ADGRV1: variants seen among roughly 807,000 people sequenced by gnomAD.
ADGRV1 encodes adhesion G protein-coupled receptor V1, also known as G-protein coupled receptor 98.
A neutral mutation model predicts 596.2 loss-of-function variants in ADGRV1; 359 were observed. That is an observed-to-expected ratio of 0.60 (90% CI 0.55 to 0.66). The LOEUF is 0.66. Among genes scored for constraint, ADGRV1 ranks in the 30% least tolerant of loss-of-function variants. The probability of loss-of-function intolerance (pLI) is 0.00; values close to 1 mark genes in which losing one functional copy is unlikely to be tolerated. For missense variants in ADGRV1, 7,274 were observed against 7,575.6 expected, an observed-to-expected ratio of 0.96 and a Z score of 1.48; for synonymous variants, 2,681 against 2,679.2, an observed-to-expected ratio of 1.00 and a Z score of -0.02.
chr5:90,755,944 T>C (rs1755785956), intron 55 of ADGRV1, among the ~76,000 whole-genome samples: 1 of 151,072 alleles, frequency 6.6e-6, no homozygotes, highest in South Asian at 2.1e-4. Context: ...TTGGGAAAGA[T>C]ATAAGGGATG....
intron 87 of ADGRV1, among the ~76,000 whole-genome samples, chr5:91,136,392 A>G (rs1794641288): frequency 2.0e-5 from 3 of 152,180 alleles, no homozygotes; most frequent in African/African-American, 7.2e-5. Flanking sequence ...AGTTCTGGGA[A>G]AGAAGTGGTT....
intron 34 of ADGRV1, among the ~76,000 whole-genome samples, chr5:90,700,639 TTCTTC>T (rs1747793331): frequency 6.6e-6 from 1 of 152,164 alleles, no homozygotes; most frequent in African/African-American, 2.4e-5. Flanking sequence ...TTTAAATTTT[TTCTTC>T]TCTTAGGGAC....
chr5:90,625,088 A>C, intron 5 of ADGRV1, 42 bp from the exon 6 acceptor site: 1 of 1,134,354 alleles, frequency 8.8e-7, no homozygotes, highest in Non-Finnish European at 1.3e-6. Context: ...AGTCTTGTGA[A>C]GTATTTTGCA....
chr5:90,691,847 G>A (rs1314121628), intron 31 of ADGRV1, among the ~76,000 whole-genome samples: 2 of 152,110 alleles, frequency 1.3e-5, no homozygotes, highest in African/African-American at 4.8e-5. Context: ...CATGCGAGAT[G>A]CATCTTCTTG....
intron 87 of ADGRV1, among the ~76,000 whole-genome samples, chr5:91,105,567 T>C (rs765151205): frequency 2.0e-5 from 3 of 152,232 alleles, no homozygotes; most frequent in Non-Finnish European, 2.9e-5. Flanking sequence ...GGTTTTGTTT[T>C]GCATTTCCCT....
intron 5 of ADGRV1, among the ~76,000 whole-genome samples, chr5:90,623,180 A>G (rs1764316830): frequency 6.6e-6 from 1 of 152,242 alleles, no homozygotes; most frequent in Admixed American, 6.5e-5. Flanking sequence ...ACATTTCATG[A>G]TTAATATAAA....
chr5:91,084,780 A>T (rs1177495631), intron 86 of ADGRV1, among the ~76,000 whole-genome samples: 4 of 152,330 alleles, frequency 2.6e-5, no homozygotes, highest in South Asian at 2.1e-4. Flanking sequence ...ACATGCACAC[A>T]TATGTTTATT....
chr5:91,036,561 TAA>T (rs74750705), intron 85 of ADGRV1, among the ~76,000 whole-genome samples: 6 of 118,046 alleles, frequency 5.1e-5, no homozygotes, highest in Non-Finnish European at 7.2e-5. Flanking sequence ...GACTCCGTCT[TAA>T]AAAAAAAAAA....
chr5:91,142,040 A>G (rs1051647999), intron 87 of ADGRV1, among the ~76,000 whole-genome samples: 12 of 152,344 alleles, frequency 7.9e-5, no homozygotes, highest in Middle Eastern at 3.4e-3. Context: ...GCCGTGGCAC[A>G]TGTTACATGT....
At chr5:90,740,456 C>T (rs776876294) in intron 50 of ADGRV1, among the ~76,000 whole-genome samples, 1 of 152,142 alleles carries the variant, frequency 6.6e-6, no homozygotes, top group Non-Finnish European at 1.5e-5. Flanking sequence ...ATCAACATGC[C>T]GCTATCTCCT....
At chr5:90,972,152 C>G (rs1389784272) in intron 84 of ADGRV1, among the ~76,000 whole-genome samples, 1 of 152,186 alleles carries the variant, frequency 6.6e-6, no homozygotes, top group Non-Finnish European at 1.5e-5. Flanking sequence ...GAAGAGCTGA[C>G]TATCCTAAAT....
rs1218865576 is a variant in ADGRV1, at chr5:90,976,064, C to T, written c.17974-9280C>T. 8.6e-5 allele frequency among the ~76,000 whole-genome samples: 13 copies of T among 151,700 alleles called. No individual in the cohort carries two copies. In the South Asian group the frequency reaches 2.7e-3, roughly 31 times the overall value. ...AAAGTACATCTTTTTCTCACTATTT[C>T]TTGCATTCTCCATTCTTTGCTCTAC... On this transcript the variant is annotated intron_variant, in intron 84 of 89. Transcript: ENST00000405460.
intron 83 of ADGRV1, among the ~76,000 whole-genome samples, chr5:90,944,757 A>G (rs898392669): frequency 6.6e-6 from 1 of 152,312 alleles, no homozygotes; most frequent in South Asian, 2.1e-4. Flanking sequence ...TAATTGACAA[A>G]CTGTTGGAAA....
At chr5:90,980,753 C>A (rs990780472) in intron 84 of ADGRV1, among the ~76,000 whole-genome samples, 1 of 152,112 alleles carries the variant, frequency 6.6e-6, no homozygotes, top group African/African-American at 2.4e-5. Flanking sequence ...AACGCATAGT[C>A]AATCAGGCAC....
rs1448669351 is a variant in ADGRV1, at chr5:90,653,625, A to G, written c.4051A>G (p.Thr1351Ala). The change falls in exon 20 of 90, where the codon ACA becomes GCA. Residue 1351 changes from threonine (T) to alanine (A), a missense_variant. Physicochemically the swap from Thr to Ala is moderately conservative, Grantham distance 58 (BLOSUM62 0). Around this residue, in one of 5 missense-constraint regions of ADGRV1, gnomAD observed 1,715 missense variants for 1,708.8 expected, o/e 1.00. Transcript: ENST00000405460. Reference protein sequence around the residue: ...NPKYHPSRNNTIANFTFSAWV... With the variant: ...NPKYHPSRNNAIANFTFSAWV... ...AAAATACCATCCCTCCAGGAATAAT[A>G]CAATTGCCAACTTTACATTCTCAGC... is the stretch of plus-strand genomic sequence containing the variant. 1.2e-6 allele frequency: 2 copies of G among 1,613,582 alleles called. No individual in the cohort carries two copies.
At chr5:90,572,888 C>T (rs1561309074) in intron 1 of ADGRV1, among the ~76,000 whole-genome samples, 1 of 152,086 alleles carries the variant, frequency 6.6e-6, no homozygotes, top group Non-Finnish European at 1.5e-5. Flanking sequence ...TGTATTCATG[C>T]CCTTCCTCAC....
chr5:90,778,080 T>C (rs755709463), intron 62 of ADGRV1, 37 bp downstream of exon 62: 39 of 1,543,114 alleles, frequency 2.5e-5, no homozygotes, highest in Non-Finnish European at 3.3e-5. Flanking sequence ...TGCCCTTTAC[T>C]CTCTGTGCTG....
At chr5:90,898,445 C>T (rs552286083) in intron 83 of ADGRV1, among the ~76,000 whole-genome samples, 1 of 152,212 alleles carries the variant, frequency 6.6e-6, no homozygotes, top group African/African-American at 2.4e-5. Flanking sequence ...AGTAGAGATT[C>T]ATTTTTAATG....
intron 14 of ADGRV1, 98 bp downstream of exon 14, chr5:90,644,081 C>A: frequency 1.2e-6 from 1 of 868,418 alleles, no homozygotes; most frequent in Non-Finnish European, 1.7e-6. Context: ...TCTAGTTGCT[C>A]ACCCTGCCTT....
Sources: allele counts gnomAD v4.1 joint callset (sites outside exome capture counted in the v4.1 genomes callset), GRCh38; gene constraint gnomAD v4.1.1; regional missense constraint gnomAD v4.1.1; transcripts MANE v1.5; gene names NCBI Gene and HGNC (gene_info 2026-07-23, HGNC 2026-07-21).